ELMO1: variants seen among roughly 807,000 people sequenced by gnomAD.
ELMO1 encodes engulfment and cell motility protein 1.
ELMO1 carries 26 observed loss-of-function variants against 98.9 expected under a neutral mutation model. The ratio of observed to expected loss-of-function variants is 0.26; its 90% CI spans 0.19 to 0.36. ELMO1 has a LOEUF of 0.36. Among genes scored for constraint, ELMO1 ranks in the 10% least tolerant of loss-of-function variants. The pLI, the probability that ELMO1 is intolerant of heterozygous loss-of-function variation, is 1.00. For missense variants in ELMO1, 627 were observed against 935.2 expected (o/e 0.67, Z 4.30); for synonymous variants, 346 against 346.0 (o/e 1.00, Z 0.00).
At chr7:37,053,680 C>T (rs1435876723) in intron 15 of ELMO1, among the ~76,000 whole-genome samples, 6 of 152,060 alleles carry the variant, frequency 3.9e-5, no homozygotes, top group Admixed American at 6.6e-5. Flanking sequence ...TGAGTGTAGC[C>T]GGATACTGCA....
intron 15 of ELMO1, among the ~76,000 whole-genome samples, chr7:37,042,939 G>A (rs547505875): frequency 6.6e-6 from 1 of 152,322 alleles, no homozygotes. Context: ...TTCTTTGCAT[G>A]TATGTTTATT....
At chr7:37,164,336 G>C (rs540222768) in intron 13 of ELMO1, among the ~76,000 whole-genome samples, 41 of 152,152 alleles carry the variant, frequency 2.7e-4, no homozygotes, top group Non-Finnish European at 5.4e-4. Flanking sequence ...AAGCTCTTTA[G>C]TTTAATTAGA....
intron 4 of ELMO1, among the ~76,000 whole-genome samples, chr7:37,285,155 G>T (rs950050987): frequency 1.3e-5 from 2 of 152,172 alleles, no homozygotes; most frequent in African/African-American, 4.8e-5. Flanking sequence ...CCCTGTGGTG[G>T]CCATGCCCTC....
Position 37,182,463 on chromosome 7 carries a change from T to TCTCC in ELMO1, c.1086+28922_1086+28923insGGAG, listed in dbSNP as rs1563061304. Among the ~76,000 whole-genome samples, 5 of 27,012 alleles carry TCTCC rather than the reference T, an allele frequency of 1.9e-4. 2 individuals are homozygous for TCTCC. The highest frequency in any genetic ancestry group is 4.1e-4 in the African/African-American group (2 of 4,864). The allele number at this position is 27,012 out of a possible 152,430, so 17.7% of individuals were successfully genotyped here. Reference sequence around the variant, plus strand: ...GATCATGAGTGCTCTTGTGCTCTACTTTTTTTTTTTTTTTTTTTTTTTTTT... The same window carrying TCTCC: ...GATCATGAGTGCTCTTGTGCTCTACTCTCCTTTTTTTTTTTTTTTTTTTTTTTTT... On this transcript the variant is annotated intron_variant, in intron 13 of 21. Transcript: ENST00000310758.
At position 37,019,269 on chromosome 7, in the gene ELMO1, C is replaced by T. The variant is rs147025480; in HGVS notation, c.1301-5834G>A. ...ACCTCCACATGAAGGGGTTGGCCTG[C>T]CATCATTCTAAGATTCTTGAAGACT... On this transcript the variant is annotated intron_variant, in intron 15 of 21. Transcript: ENST00000310758. 4.9e-4 allele frequency among the ~76,000 whole-genome samples: 74 copies of T among 152,326 alleles called. No individual in the cohort carries two copies. The East Asian group carries it at 0.013, about 27-fold the overall frequency.
At chr7:37,220,177 T>C (rs1031471526) in intron 10 of ELMO1, among the ~76,000 whole-genome samples, 8 of 152,236 alleles carry the variant, frequency 5.3e-5, no homozygotes, top group Non-Finnish European at 1.0e-4. Context: ...AAATCCCTTT[T>C]TAGAGCTATC....
intron 19 of ELMO1, among the ~76,000 whole-genome samples, chr7:36,872,084 A>G (rs1005352410): frequency 2.0e-5 from 3 of 152,192 alleles, no homozygotes; most frequent in African/African-American, 7.2e-5. Flanking sequence ...TACACTTCCC[A>G]GCAACCTTTG....
intron 15 of ELMO1, among the ~76,000 whole-genome samples, chr7:37,018,128 ATT>A (rs34247625): frequency 2.1e-5 from 3 of 144,830 alleles, no homozygotes; most frequent in Non-Finnish European, 1.5e-5. Flanking sequence ...ATTAGTTACT[ATT>A]TTTTTTTTTT....
chr7:37,448,643 GGCGCGGCGCCA>G (rs1242438650), intron 1 of ELMO1, 21 bp downstream of exon 1: 2 of 152,296 alleles, frequency 1.3e-5, no homozygotes, highest in Non-Finnish European at 2.9e-5. Context: ...AGCGAGTCGG[GGCGCGGCGCCA>G]GCCCAGGAAA....
chr7:37,238,027 T>C (rs1366561365), intron 7 of ELMO1, among the ~76,000 whole-genome samples: 1 of 152,224 alleles, frequency 6.6e-6, no homozygotes, highest in Non-Finnish European at 1.5e-5. Context: ...GTCCCACACA[T>C]TACCAGTGGT....
At chr7:36,860,168 G>C (rs1486529398) in intron 21 of ELMO1, among the ~76,000 whole-genome samples, 1 of 152,134 alleles carries the variant, frequency 6.6e-6, no homozygotes, top group Non-Finnish European at 1.5e-5. Context: ...TATGGGGAAG[G>C]CTTCTTTCTG....
At chr7:37,079,014 T>C (rs1271852249) in intron 15 of ELMO1, among the ~76,000 whole-genome samples, 2 of 152,220 alleles carry the variant, frequency 1.3e-5, no homozygotes, top group Non-Finnish European at 2.9e-5. Flanking sequence ...ATTGAGCATA[T>C]ATTACCTGTG....
chr7:37,306,500 A>T (rs990973236), intron 4 of ELMO1, among the ~76,000 whole-genome samples: 4 of 152,296 alleles, frequency 2.6e-5, no homozygotes, highest in Admixed American at 6.5e-5. Context: ...GCCAGTATGA[A>T]TTCAAAATAT....
At chr7:37,390,943 G>A (rs1240037525) in intron 1 of ELMO1, among the ~76,000 whole-genome samples, 1 of 152,170 alleles carries the variant, frequency 6.6e-6, no homozygotes, top group Non-Finnish European at 1.5e-5. Flanking sequence ...CTGAATATGT[G>A]ATAGAGGGAA....
chr7:37,324,617 C>T (rs1169807010), intron 2 of ELMO1, among the ~76,000 whole-genome samples: 3 of 152,102 alleles, frequency 2.0e-5, no homozygotes, highest in Admixed American at 6.5e-5. Context: ...GGTCTCACTC[C>T]GTCACAAAGG....
chr7:36,916,174 C>G (rs1784675727), intron 16 of ELMO1, among the ~76,000 whole-genome samples: 2 of 152,206 alleles, frequency 1.3e-5, no homozygotes, highest in Non-Finnish European at 2.9e-5. Flanking sequence ...TTCATCATCC[C>G]TACCTCCAAT....
intron 4 of ELMO1, among the ~76,000 whole-genome samples, chr7:37,276,635 A>G (rs116129185): frequency 0.01 from 1,552 of 152,312 alleles, 35 homozygotes; most frequent in African/African-American, 0.036. Context: ...AATAAAACAC[A>G]TAAAAAGCAC....
intron 13 of ELMO1, among the ~76,000 whole-genome samples, chr7:37,160,867 TA>T (rs1789151531): frequency 6.6e-6 from 1 of 151,920 alleles, no homozygotes; most frequent in African/African-American, 2.4e-5. Context: ...GGAGCAGACA[TA>T]GGGGGCAGCA....
chr7:37,382,279 T>A (rs771964007), intron 1 of ELMO1, among the ~76,000 whole-genome samples: 10 of 152,190 alleles, frequency 6.6e-5, no homozygotes, highest in Non-Finnish European at 1.2e-4. Flanking sequence ...ATTTCAGACA[T>A]ACATAAATAT....
Sources: gnomAD v4.1 joint callset for allele counts (sites outside exome capture counted in the v4.1 genomes callset) on GRCh38, gnomAD v4.1.1 for gene constraint, MANE v1.5 for transcripts, NCBI Gene and HGNC (gene_info 2026-07-23, HGNC 2026-07-21) for gene names.